PROX2: variants seen among roughly 807,000 people sequenced by gnomAD.
PROX2 encodes the protein prospero homeobox protein 2.
A neutral mutation model predicts 48.9 loss-of-function variants in PROX2; 46 were observed. That is an observed-to-expected ratio of 0.94 (90% CI 0.74 to 1.20). The LOEUF is 1.20. Ranked by LOEUF, PROX2 falls within the 50% of genes most tolerant of loss-of-function variation. The pLI is 0.00. For missense variants in PROX2, 663 were observed against 719.4 expected (o/e 0.92, Z 0.90); for synonymous variants, 260 against 276.6 (o/e 0.94, Z 0.60).
rs201972276 is a variant in PROX2, at chr14:74,856,946, C to A, written c.1463G>T (p.Arg488Leu). 28 of 1,613,988 alleles carry A rather than the reference C, an allele frequency of 1.7e-5. No homozygotes were observed. In the African/African-American group the frequency reaches 2.5e-4, roughly 15 times the overall value. The change falls in exon 5 of 6, where the codon CGT (arginine) becomes CTT (leucine). Residue 488 changes from arginine to leucine, a missense_variant. By Grantham distance (102) the Arg-to-Leu change is moderately radical (BLOSUM62 -2). Coordinates refer to ENST00000556489, the MANE Select transcript of PROX2 (RefSeq NM_001243007.2). ...TTCCATTTGGATGTAATAAAACTCA[C>A]GAAAGTTGCTGAACCACTTGATCAT... The part of the protein sequence containing the change: ...SQMIKWFSNF[R>L]EFYYIQMEKS...
intron 1 of PROX2, among the ~76,000 whole-genome samples, chr14:74,874,713 C>T (rs1319165994): frequency 1.3e-5 from 2 of 152,088 alleles, no homozygotes; most frequent in Non-Finnish European, 2.9e-5. Flanking sequence ...GATATTGGAC[C>T]AGTTTGAGAG....
intron 3 of PROX2, among the ~76,000 whole-genome samples, chr14:74,862,113 C>T (rs188029899): frequency 2.0e-5 from 3 of 152,314 alleles, no homozygotes; most frequent in African/African-American, 7.2e-5. Context: ...AAGCTGAAGG[C>T]CCAGAGCAAC....
intron 3 of PROX2, chr14:74,861,228 T>C (rs1338916178): frequency 6.7e-6 from 9 of 1,352,832 alleles, no homozygotes; most frequent in Non-Finnish European, 8.8e-6. Context: ...TGCAACTCCA[T>C]AGACTCATCA....
chr14:74,867,994 G>A (rs534398577), intron 2 of PROX2, among the ~76,000 whole-genome samples: 7 of 152,276 alleles, frequency 4.6e-5, no homozygotes, highest in Non-Finnish European at 7.4e-5. Flanking sequence ...TGCTGAGGCC[G>A]GCGTGCTGCC....
chr14:74,856,869 C>T lies in PROX2; in HGVS notation c.1540G>A (p.Val514Met), dbSNP rs746183870. 3 of 1,613,896 alleles carry T rather than the reference C, an allele frequency of 1.9e-6. No individual in the cohort carries two copies. The highest frequency in any genetic ancestry group is 2.5e-6 in the Non-Finnish European group (3 of 1,179,888). Reference protein sequence around the residue: ...SDGVTNPKMLVVLRNSELFQA... With the variant: ...SDGVTNPKMLMVLRNSELFQA... ...AAAAGTTCTGAATTGCGGAGAACCA[C>T]CAGCATTTTGGGATTTGTGACACCA... The change falls in exon 5 of 6, where the codon GTG (valine) becomes ATG (methionine). Residue 514 changes from valine (V) to methionine (M), a missense_variant. By Grantham distance (21) the Val-to-Met change is conservative. Coordinates refer to ENST00000556489, the MANE Select transcript of PROX2 (RefSeq NM_001243007.2).
chr14:74,868,313 TTATATA>T (rs4026383), intron 2 of PROX2, among the ~76,000 whole-genome samples: 3,173 of 53,532 alleles, frequency 0.059, 106 homozygotes, highest in Middle Eastern at 0.064. Context: ...TTTCTCGTAA[TTATATA>T]TATATATATA....
Position 74,863,817 on chromosome 14 carries a change from G to C in PROX2, c.18C>G (p.Ile6Met). MDPNSILLSPQPQICS... is the reference protein window; with the variant it reads MDPNSMLLSPQPQICS... ...AGATCTGGGGCTGAGGAGAAAGCAA[G>C]ATGGAGTTTGGATCCATCCCAGGCA... The change falls in exon 3 of 6, where the codon ATC becomes ATG. Residue 6 changes from isoleucine (I) to methionine (M), a missense_variant. Transcript: ENST00000556489. 6.6e-7 allele frequency: 1 copy of C among 1,505,854 alleles called. No homozygotes were observed. The highest frequency in any genetic ancestry group is 8.8e-7 in the Non-Finnish European group (1 of 1,132,118). 93.3% of individuals were successfully genotyped at this position (1,505,854 alleles called of 1,614,324 possible). A position where few individuals can be genotyped will look rare whatever the true frequency, so the allele number is the denominator to read the frequency against.
chr14:74,874,159 C>G, intron 1 of PROX2: 1 of 506,192 alleles, frequency 2.0e-6, no homozygotes, highest in Middle Eastern at 6.7e-4. Flanking sequence ...TACACAAATC[C>G]TCAGAGAACA....
At chr14:74,873,405 T>C (rs1208009750) in intron 1 of PROX2, among the ~76,000 whole-genome samples, 3 of 152,144 alleles carry the variant, frequency 2.0e-5, no homozygotes, top group Non-Finnish European at 4.4e-5. Context: ...GAGGATCACA[T>C]GTGGTGGGCC....
chr14:74,870,277 C>A (rs1031282905), intron 2 of PROX2, among the ~76,000 whole-genome samples: 3 of 150,232 alleles, frequency 2.0e-5, no homozygotes, highest in Admixed American at 6.6e-5. Context: ...AAAAAAATCA[C>A]CTGGGCATTG....
At chr14:74,874,759 A>G (rs187161617) in intron 1 of PROX2, among the ~76,000 whole-genome samples, 212 of 152,362 alleles carry the variant, frequency 1.4e-3, no homozygotes, top group African/African-American at 4.8e-3. Context: ...AAGGCACAAA[A>G]AATAAGTATA....
At position 74,854,942 on chromosome 14, in the gene PROX2, AT is replaced by A; in HGVS notation, c.*189del. The A allele has an allele frequency of 2.4e-6, 1 of 417,444 alleles. No homozygotes were observed. Among genetic ancestry groups the A allele is most frequent in the East Asian group, 3.4e-5 (1 of 29,080 alleles). 25.9% of individuals were successfully genotyped at this position (417,444 alleles called of 1,614,324 possible). A position where few individuals can be genotyped will look rare whatever the true frequency, so the allele number is the denominator to read the frequency against. Reference sequence around the variant, plus strand: ...ACCAATACACCAATATAGTTAGTACATTTTATAGTTAAATTTCTGATGATTC... The same window carrying A: ...ACCAATACACCAATATAGTTAGTACATTTATAGTTAAATTTCTGATGATTC... On this transcript the variant is annotated 3_prime_UTR_variant, in exon 6 of 6. Transcript: ENST00000556489.
At chr14:74,865,682 T>A (rs1240575408) in intron 2 of PROX2, among the ~76,000 whole-genome samples, 4 of 151,534 alleles carry the variant, frequency 2.6e-5, no homozygotes, top group African/African-American at 7.3e-5. Context: ...ATACAAAAAA[T>A]TAGCCAGGCG....
chr14:74,868,389 T>C (rs1398307091), intron 2 of PROX2, among the ~76,000 whole-genome samples: 4 of 136,868 alleles, frequency 2.9e-5, no homozygotes, highest in Admixed American at 7.7e-5. Context: ...AGATATATAG[T>C]TTTATGCCTC....
chr14:74,867,205 G>A (rs914444574), intron 2 of PROX2, among the ~76,000 whole-genome samples: 6 of 152,180 alleles, frequency 3.9e-5, no homozygotes, highest in Non-Finnish European at 8.8e-5. Context: ...GGACTAGAAG[G>A]TTCAGATGTC....
At position 74,853,169 on chromosome 14, in the gene PROX2, C is replaced by G. The variant is rs1474776963; in HGVS notation, c.*1963G>C. On this transcript the variant is annotated 3_prime_UTR_variant, in exon 6 of 6. Coordinates refer to ENST00000556489, the MANE Select transcript of PROX2 (RefSeq NM_001243007.2). ...TCTCATTGGTCCCTGAGACAAGGTT[C>G]ACTGCCCTGGAGGTGACTTGGCTCA... 1 of 152,226 alleles carries G rather than the reference C, an allele frequency of 6.6e-6. No individual in the cohort carries two copies. The highest frequency in any genetic ancestry group is 2.4e-5 in the African/African-American group (1 of 41,448). 9.4% of individuals were successfully genotyped at this position (152,226 alleles called of 1,614,324 possible). A position where few individuals can be genotyped will look rare whatever the true frequency, so the allele number is the denominator to read the frequency against.
At chr14:74,857,305 G>A (rs2091751797) in intron 4 of PROX2, 1 of 226,422 alleles carries the variant, frequency 4.4e-6, no homozygotes, top group African/African-American at 2.2e-5. Context: ...CACGACCAGT[G>A]TGGTGCCAGA....
intron 5 of PROX2, 71 bp downstream of exon 5, chr14:74,856,730 C>T: frequency 7.3e-7 from 1 of 1,377,800 alleles, no homozygotes; most frequent in Non-Finnish European, 1.0e-6. Context: ...GAAGAGGGAT[C>T]TTTCCTAAAA....
chr14:74,866,258 G>A (rs1258035052), intron 2 of PROX2, among the ~76,000 whole-genome samples: 3 of 151,898 alleles, frequency 2.0e-5, no homozygotes, highest in African/African-American at 4.8e-5. Context: ...ACTCCGTCTC[G>A]AAAAACAAAA....
Sources: gnomAD v4.1 joint callset for allele counts (sites outside exome capture counted in the v4.1 genomes callset) on GRCh38, gnomAD v4.1.1 for gene constraint, MANE v1.5 for transcripts, NCBI Gene and HGNC (gene_info 2026-07-23, HGNC 2026-07-21) for gene names.